The following JMJD1C variants were observed in gnomAD, a reference collection of about 807,000 sequenced individuals.
JMJD1C encodes the protein jumonji domain containing 1C.
In JMJD1C, 31 loss-of-function variants were observed where a neutral mutation model predicts 245.3. That is an observed-to-expected ratio of 0.13 (90% CI 0.09 to 0.17). The LOEUF (loss-of-function observed/expected upper bound fraction) is 0.17. Among genes scored for constraint, JMJD1C ranks in the 10% least tolerant of loss-of-function variants. The pLI, the probability that JMJD1C is intolerant of heterozygous loss-of-function variation, is 1.00. For synonymous variants in JMJD1C, 1,057 were observed against 1,017.4 expected, an observed-to-expected ratio of 1.04 and a Z score of -0.74; for missense variants, 2,691 against 3,000.2, an observed-to-expected ratio of 0.90 and a Z score of 2.41.
At chr10:63,481,981 A>G (rs4746138) in intron 1 of JMJD1C, among the ~76,000 whole-genome samples, 22,426 of 152,228 alleles carry the variant, frequency 0.15, 2,177 homozygotes, top group Admixed American at 0.3. Flanking sequence ...ACTGTACAGT[A>G]CATTCCAAAG....
At chr10:63,244,534 G>A (rs1376099553) in intron 3 of JMJD1C, among the ~76,000 whole-genome samples, 1 of 152,092 alleles carries the variant, frequency 6.6e-6, no homozygotes, top group African/African-American at 2.4e-5. Flanking sequence ...ACAGCAAACA[G>A]GGAATCATGA....
At position 63,376,368 on chromosome 10, in the gene JMJD1C, AT is replaced by A. The variant is rs201675262; in HGVS notation, c.333+3949del. Among the ~76,000 whole-genome samples the A allele has an allele frequency of 3.3e-3, 496 of 151,764 alleles. 2 individuals carry two copies. The highest frequency in any genetic ancestry group is 0.012 in the African/African-American group (480 of 41,412). On this transcript the variant is annotated intron_variant, in intron 2 of 25. Coordinates refer to ENST00000399262, the MANE Select transcript of JMJD1C (RefSeq NM_032776.3). Reference sequence around the variant, plus strand: ...AAAGCTTCATGACATGGATTTGGCAATTTTTTTTTAATACAACAACAAAGGC... The same window carrying A: ...AAAGCTTCATGACATGGATTTGGCAATTTTTTTTAATACAACAACAAAGGC...
rs140027171 is a variant in JMJD1C, at chr10:63,204,556, A to T, written c.5074+2039T>A. On this transcript the variant is annotated intron_variant, in intron 10 of 25. Coordinates refer to ENST00000399262, the MANE Select transcript of JMJD1C (RefSeq NM_032776.3). ...CCCAACACCAAAGGAAATGTCATAT[A>T]AGACAGAAGAGAAACAATTAAATTG... 4.6e-5 allele frequency: 45 copies of T among 985,406 alleles called. No individual in the cohort carries two copies. In the East Asian group the frequency reaches 2.8e-3, roughly 62 times the overall value. The allele number at this position is 985,406 out of a possible 1,614,324, so 61.0% of individuals were successfully genotyped here.
intron 1 of JMJD1C, among the ~76,000 whole-genome samples, chr10:63,486,186 G>C (rs1953997532): frequency 7.0e-6 from 1 of 142,306 alleles, no homozygotes; most frequent in African/African-American, 2.8e-5. Flanking sequence ...CAGAAAACTT[G>C]AGAGAGCATG....
intron 2 of JMJD1C, among the ~76,000 whole-genome samples, chr10:63,273,682 T>G (rs1856533939): frequency 6.6e-6 from 1 of 152,174 alleles, no homozygotes; most frequent in South Asian, 2.1e-4. Flanking sequence ...GTAAAAGGCC[T>G]TTTTTGGCTG....
rs570355522 is a variant in JMJD1C at position 63,379,302 on chromosome 10, G to GT, written c.333+1015dup. 4.8e-3 allele frequency among the ~76,000 whole-genome samples: 725 copies of GT among 152,166 alleles called. 7 individuals are homozygous for GT. Among genetic ancestry groups the GT allele is most frequent in the South Asian group, 0.019 (91 of 4,830 alleles). ...CAGCTTTTAATATATTTCTTTGATA[G>GT]TAACATAAGAAGAAAACTTTACAAA... On this transcript the variant is annotated intron_variant, in intron 2 of 25. Coordinates refer to ENST00000399262, the MANE Select transcript of JMJD1C (RefSeq NM_032776.3).
At chr10:63,222,104 T>G in intron 3 of JMJD1C, 3 of 591,510 alleles carry the variant, frequency 5.1e-6, no homozygotes, top group Non-Finnish European at 9.4e-6. Flanking sequence ...TTTCTCACTT[T>G]AAAACTTCCT....
chr10:63,337,593 GAAAA>G (rs1564804473), intron 2 of JMJD1C, among the ~76,000 whole-genome samples: 4 of 106,464 alleles, frequency 3.8e-5, no homozygotes, highest in African/African-American at 2.4e-4. Flanking sequence ...GAAAAGAAAA[GAAAA>G]GAAAAGAAAA....
intron 2 of JMJD1C, among the ~76,000 whole-genome samples, chr10:63,347,123 T>C (rs1214115277): frequency 7.0e-6 from 1 of 142,188 alleles, no homozygotes; most frequent in East Asian, 2.1e-4. Context: ...CAGGCTGGAG[T>C]AGTGTCATGA....
chr10:63,353,849 T>A (rs1480626791), intron 2 of JMJD1C, among the ~76,000 whole-genome samples: 8 of 151,656 alleles, frequency 5.3e-5, no homozygotes, highest in Non-Finnish European at 1.0e-4. Context: ...TTTTTTTGTC[T>A]GTTTGTTTTT....
chr10:63,464,355 A>C (rs1245738296), intron 1 of JMJD1C, among the ~76,000 whole-genome samples: 1 of 152,208 alleles, frequency 6.6e-6, no homozygotes, highest in African/African-American at 2.4e-5. Flanking sequence ...GAAACTATTA[A>C]AATAGGTAGG....
chr10:63,222,642 G>A (rs189502093), intron 3 of JMJD1C: 1 of 1,558,734 alleles, frequency 6.4e-7, no homozygotes, highest in African/African-American at 1.4e-5. Flanking sequence ...ATAATTAAAA[G>A]AAATAGAGAT....
chr10:63,168,909 G>T (rs1284618665), intron 24 of JMJD1C, among the ~76,000 whole-genome samples: 2 of 152,114 alleles, frequency 1.3e-5, no homozygotes, highest in Non-Finnish European at 2.9e-5. Context: ...TAACTTGAAA[G>T]AATTTATGAG....
chr10:63,270,660 G>A (rs983721727), intron 2 of JMJD1C, among the ~76,000 whole-genome samples: 28 of 152,026 alleles, frequency 1.8e-4, no homozygotes, highest in Admixed American at 9.8e-4. Flanking sequence ...TAGAGACAGG[G>A]TTTCACCATG....
At chr10:63,226,050 A>G (rs1849237586) in intron 3 of JMJD1C, among the ~76,000 whole-genome samples, 2 of 143,396 alleles carry the variant, frequency 1.4e-5, no homozygotes, top group South Asian at 4.5e-4. Context: ...AAAGTTTACT[A>G]TTATTGCCTT....
chr10:63,200,736 T>C, intron 10 of JMJD1C, 59 bp from the exon 11 acceptor site: 1 of 1,415,636 alleles, frequency 7.1e-7, no homozygotes, highest in Non-Finnish European at 9.9e-7. Context: ...TTAAACTCCT[T>C]GAGATGAAAT....
Position 63,340,424 on chromosome 10 carries a change from G to GT in JMJD1C, c.333+39893dup, listed in dbSNP as rs558252533. 1.2e-4 allele frequency among the ~76,000 whole-genome samples: 19 copies of GT among 152,166 alleles called. No homozygotes were observed. In the East Asian group the frequency reaches 3.3e-3, roughly 26 times the overall value. ...GCTCACTGTGTGTGTGTGGTTTTTT[G>GT]TTTTTTTACTTATTCTCTGCTCTGT... is the stretch of plus-strand genomic sequence containing the variant. On this transcript the variant is annotated intron_variant, in intron 2 of 25. Transcript: ENST00000399262.
intron 2 of JMJD1C, among the ~76,000 whole-genome samples, chr10:63,306,344 C>A (rs1030895547): frequency 6.6e-6 from 1 of 152,150 alleles, no homozygotes; most frequent in African/African-American, 2.4e-5. Context: ...CCCGTCTTGG[C>A]CTCCCAAAGT....
chr10:63,266,090 C>T (rs1855541178), intron 2 of JMJD1C, among the ~76,000 whole-genome samples: 1 of 151,850 alleles, frequency 6.6e-6, no homozygotes, highest in Non-Finnish European at 1.5e-5. Context: ...TTAAGCAAGT[C>T]TTATTTCTAT....
Sources: gnomAD v4.1 joint callset for allele counts (sites outside exome capture counted in the v4.1 genomes callset) on GRCh38, gnomAD v4.1.1 for gene constraint, MANE v1.5 for transcripts, NCBI Gene and HGNC (gene_info 2026-07-23, HGNC 2026-07-21) for gene names.